Variants in AHI1 observed in about 807,000 individuals in gnomAD.
AHI1 encodes the protein Abelson helper integration site 1.
In AHI1, 123 loss-of-function variants were observed where a neutral mutation model predicts 149.3. That is an observed-to-expected ratio of 0.82 (90% CI 0.71 to 0.96). The LOEUF (loss-of-function observed/expected upper bound fraction) is 0.96. AHI1 is among the 40% of genes least tolerant of loss of function. The pLI, the probability that AHI1 is intolerant of heterozygous loss-of-function variation, is 0.00. For missense variants in AHI1, 1,439 were observed against 1,422.7 expected (o/e 1.01, Z -0.18); for synonymous variants, 475 against 459.8 (o/e 1.03, Z -0.42).
intron 24 of AHI1, among the ~76,000 whole-genome samples, chr6:135,328,992 C>A (rs1359380515): frequency 6.6e-6 from 1 of 152,172 alleles, no homozygotes; most frequent in Non-Finnish European, 1.5e-5. Flanking sequence ...CCTTAACTCT[C>A]TTCAATTCTA....
intron 25 of AHI1, 61 bp downstream of exon 25, chr6:135,323,101 T>C: frequency 6.8e-7 from 1 of 1,469,054 alleles, no homozygotes; most frequent in Non-Finnish European, 9.1e-7. Flanking sequence ...TAGAAAATGA[T>C]AAAATCTTGG....
At chr6:135,422,577 G>C (rs1485755498) in intron 20 of AHI1, among the ~76,000 whole-genome samples, 2 of 151,446 alleles carry the variant, frequency 1.3e-5, no homozygotes, top group Non-Finnish European at 2.9e-5. Context: ...GAACATAATG[G>C]CTTATTACAT....
intron 26 of AHI1, among the ~76,000 whole-genome samples, chr6:135,311,279 G>T (rs530923267): frequency 7.5e-5 from 11 of 145,752 alleles, no homozygotes; most frequent in Non-Finnish European, 1.6e-4. Context: ...TCCAACCTGG[G>T]TGACAGGGCG....
chr6:135,371,067 T>A lies in AHI1; in HGVS notation c.3110-12880A>T, dbSNP rs374115955. 7.9e-5 allele frequency among the ~76,000 whole-genome samples: 12 copies of A among 152,344 alleles called. 1 individual carries two copies. Among genetic ancestry groups the A allele is most frequent in the East Asian group, 1.9e-4 (1 of 5,190 alleles). ...GAAGGCTTTTATTTCTCTATTCTTT[T>A]TATATAGTTAAGTTTAAAGAGATAA... On this transcript the variant is annotated intron_variant, in intron 23 of 28. Coordinates refer to ENST00000265602, the MANE Select transcript of AHI1 (RefSeq NM_001134831.2).
chr6:135,391,809 G>A (rs187395909), intron 23 of AHI1, among the ~76,000 whole-genome samples: 3 of 152,282 alleles, frequency 2.0e-5, no homozygotes, highest in African/African-American at 7.2e-5. Flanking sequence ...TACTGCAATG[G>A]GATTTTGCAG....
At chr6:135,379,638 G>A (rs1776409900) in intron 23 of AHI1, among the ~76,000 whole-genome samples, 1 of 152,132 alleles carries the variant, frequency 6.6e-6, no homozygotes, top group African/African-American at 2.4e-5. Flanking sequence ...GTGAATACTA[G>A]CAGTGCTAGG....
At chr6:135,470,111 A>C (rs1583398735) in intron 5 of AHI1, among the ~76,000 whole-genome samples, 1 of 152,038 alleles carries the variant, frequency 6.6e-6, no homozygotes, top group Admixed American at 6.6e-5. Flanking sequence ...AACTTAAACA[A>C]ATTTGTGAGA....
intron 24 of AHI1, among the ~76,000 whole-genome samples, chr6:135,355,010 A>T (rs578057801): frequency 6.6e-6 from 1 of 152,332 alleles, no homozygotes; most frequent in East Asian, 1.9e-4. Flanking sequence ...GAATGCAAAG[A>T]TAATCAACTT....
At chr6:135,485,538 C>T (rs1794346505) in intron 5 of AHI1, among the ~76,000 whole-genome samples, 1 of 152,230 alleles carries the variant, frequency 6.6e-6, no homozygotes, top group East Asian at 1.9e-4. Context: ...TAAAGTGCAA[C>T]CTATGTGTAA....
intron 5 of AHI1, among the ~76,000 whole-genome samples, chr6:135,478,446 T>A (rs1793073606): frequency 6.6e-6 from 1 of 152,152 alleles, no homozygotes; most frequent in Non-Finnish European, 1.5e-5. Flanking sequence ...GCTCTAGAGA[T>A]ATGCAGAGCA....
At chr6:135,445,367 G>C (rs75037260) in intron 13 of AHI1, among the ~76,000 whole-genome samples, 632 of 152,162 alleles carry the variant, frequency 4.2e-3, no homozygotes, top group Non-Finnish European at 7.4e-3. Flanking sequence ...AATGCTTCTT[G>C]CCACTGCATA....
chr6:135,479,666 T>C (rs1793288498), intron 5 of AHI1, among the ~76,000 whole-genome samples: 1 of 152,184 alleles, frequency 6.6e-6, no homozygotes, highest in Non-Finnish European at 1.5e-5. Context: ...TTCGGGTTCA[T>C]GTTGAAATAA....
At chr6:135,389,836 TC>T (rs1288364053) in intron 23 of AHI1, among the ~76,000 whole-genome samples, 1 of 152,180 alleles carries the variant, frequency 6.6e-6, no homozygotes, top group Admixed American at 6.5e-5. Context: ...TAGTAACACT[TC>T]CTGCTAATTT....
intron 5 of AHI1, among the ~76,000 whole-genome samples, chr6:135,486,551 A>G (rs1369067510): frequency 6.6e-6 from 1 of 152,194 alleles, no homozygotes; most frequent in Non-Finnish European, 1.5e-5. Context: ...GAGATAGGTT[A>G]TTCTTTTAAC....
chr6:135,469,443 C>G (rs923960938), intron 5 of AHI1, among the ~76,000 whole-genome samples: 22 of 152,078 alleles, frequency 1.4e-4, no homozygotes, highest in Non-Finnish European at 1.9e-4. Context: ...ATTAAACTAC[C>G]ATTGACATTC....
intron 21 of AHI1, among the ~76,000 whole-genome samples, chr6:135,408,029 C>T (rs541711431): frequency 3.3e-5 from 5 of 149,554 alleles, no homozygotes; most frequent in East Asian, 1.9e-4. Context: ...AGTGAGATTC[C>T]GTCTCAAAAA....
At chr6:135,414,677 C>A (rs1469095506) in intron 20 of AHI1, among the ~76,000 whole-genome samples, 2 of 151,126 alleles carry the variant, frequency 1.3e-5, no homozygotes, top group Non-Finnish European at 3.0e-5. Flanking sequence ...AATAAGCATG[C>A]AAAAAAAGGT....
intron 5 of AHI1, among the ~76,000 whole-genome samples, chr6:135,479,476 G>T (rs958589568): frequency 2.0e-5 from 3 of 152,200 alleles, no homozygotes; most frequent in Non-Finnish European, 4.4e-5. Flanking sequence ...CTGGGTTCTG[G>T]ACTTGCATGG....
At chr6:135,317,546 T>C (rs1786153365) in intron 26 of AHI1, among the ~76,000 whole-genome samples, 1 of 151,482 alleles carries the variant, frequency 6.6e-6, no homozygotes, top group Non-Finnish European at 1.5e-5. Flanking sequence ...TTTCTTTGTA[T>C]GTGTTCCCAA....
Sources: allele counts gnomAD v4.1 joint callset (sites outside exome capture counted in the v4.1 genomes callset), GRCh38; gene constraint gnomAD v4.1.1; transcripts MANE v1.5; gene names NCBI Gene and HGNC (gene_info 2026-07-23, HGNC 2026-07-21).